The following ESRRG variants were observed in gnomAD, a reference collection of about 807,000 sequenced individuals.
The protein encoded by ESRRG is estrogen-related receptor gamma.
A neutral mutation model predicts 44.0 loss-of-function variants in ESRRG; 13 were observed. The observed-to-expected ratio is 0.30, with a 90% confidence interval of 0.19 to 0.47. ESRRG has a LOEUF of 0.47. Ranked by LOEUF, ESRRG falls within the 20% of genes least tolerant of loss-of-function variation. The pLI is 1.00. For missense variants in ESRRG, 395 were observed against 580.6 expected (o/e 0.68, Z 3.29); for synonymous variants, 215 against 214.6 (o/e 1.00, Z -0.02).
At chr1:216,604,498 A>G (rs1016103514) in intron 3 of ESRRG, among the ~76,000 whole-genome samples, 1 of 152,194 alleles carries the variant, frequency 6.6e-6, no homozygotes, top group African/African-American at 2.4e-5. Context: ...ACAAGGATAC[A>G]ATTCTTTCTC....
At chr1:217,007,834 C>T (rs1319156244) in intron 1 of ESRRG, among the ~76,000 whole-genome samples, 1 of 150,958 alleles carries the variant, frequency 6.6e-6, no homozygotes, top group Non-Finnish European at 1.5e-5. Context: ...CAGTCAAAGG[C>T]AAATAAGGGG....
intron 1 of ESRRG, among the ~76,000 whole-genome samples, chr1:216,959,343 GAA>G (rs35910013): frequency 1.3e-5 from 2 of 151,554 alleles, no homozygotes; most frequent in South Asian, 2.1e-4. Context: ...CTATTTAAAA[GAA>G]AAAAAAACAC....
intron 3 of ESRRG, among the ~76,000 whole-genome samples, chr1:216,572,395 G>T (rs1230671160): frequency 6.6e-6 from 1 of 152,010 alleles, no homozygotes; most frequent in Non-Finnish European, 1.5e-5. Flanking sequence ...TGTGGACAAA[G>T]CCTCTTTATT....
intron 6 of ESRRG, among the ~76,000 whole-genome samples, chr1:216,514,672 C>G (rs1489872982): frequency 6.6e-6 from 1 of 152,050 alleles, no homozygotes; most frequent in Non-Finnish European, 1.5e-5. Flanking sequence ...AGAAATAGCT[C>G]ATTGATAGCA....
intron 2 of ESRRG, among the ~76,000 whole-genome samples, chr1:216,932,039 A>G (rs574878401): frequency 6.6e-6 from 1 of 152,214 alleles, no homozygotes; most frequent in South Asian, 2.1e-4. Flanking sequence ...CGTGGTCTCT[A>G]CTAAAAATAT....
At chr1:216,518,467 CATTAAGG>C (rs1406150668) in intron 6 of ESRRG, among the ~76,000 whole-genome samples, 1 of 152,056 alleles carries the variant, frequency 6.6e-6, no homozygotes, top group Non-Finnish European at 1.5e-5. Context: ...ATCGGCACGT[CATTAAGG>C]AGGGATCTAT....
chr1:216,658,666 CA>C (rs3040932), intron 2 of ESRRG, among the ~76,000 whole-genome samples: 61,689 of 130,146 alleles, frequency 0.47, 13,929 homozygotes, highest in Admixed American at 0.55. Context: ...ACTAAAAATA[CA>C]AAAAAAAAAA....
At chr1:216,670,823 G>T (rs2151392464) in intron 2 of ESRRG, among the ~76,000 whole-genome samples, 1 of 152,198 alleles carries the variant, frequency 6.6e-6, no homozygotes, top group Non-Finnish European at 1.5e-5. Context: ...GAAAGAAAGG[G>T]GATGGGCTGC....
At chr1:216,540,961 G>T (rs1406976154) in intron 5 of ESRRG, among the ~76,000 whole-genome samples, 1 of 152,000 alleles carries the variant, frequency 6.6e-6, no homozygotes, top group African/African-American at 2.4e-5. Context: ...AACCCGGGAA[G>T]ATGACATTTA....
chr1:216,673,242 C>G (rs552595513), intron 2 of ESRRG, among the ~76,000 whole-genome samples: 10 of 152,174 alleles, frequency 6.6e-5, no homozygotes, highest in African/African-American at 2.4e-4. Flanking sequence ...CTATCACTAC[C>G]GTATTTGGCC....
intron 1 of ESRRG, among the ~76,000 whole-genome samples, chr1:216,698,826 G>C (rs975120730): frequency 6.6e-6 from 1 of 152,138 alleles, no homozygotes; most frequent in African/African-American, 2.4e-5. Flanking sequence ...CAAAGCGTCT[G>C]TGCCTCAGGT....
At chr1:216,970,175 A>G (rs2071350429) in intron 1 of ESRRG, among the ~76,000 whole-genome samples, 1 of 152,202 alleles carries the variant, frequency 6.6e-6, no homozygotes, top group Admixed American at 6.5e-5. Context: ...CCATGGAAAC[A>G]TTACTGAAGC....
At chr1:216,754,628 AT>A (rs1319996696) in intron 2 of ESRRG, among the ~76,000 whole-genome samples, 2 of 151,338 alleles carry the variant, frequency 1.3e-5, no homozygotes, top group African/African-American at 2.4e-5. Flanking sequence ...CTATTTATAT[AT>A]TTATTTCAGT....
chr1:217,128,237 G>A (rs533929136), intron 1 of ESRRG, among the ~76,000 whole-genome samples: 13 of 152,246 alleles, frequency 8.5e-5, no homozygotes, highest in South Asian at 2.1e-4. Flanking sequence ...CACTGCATTC[G>A]TTGTTTTCAA....
chr1:216,997,268 C>A (rs1176522305), intron 1 of ESRRG, among the ~76,000 whole-genome samples: 1 of 152,196 alleles, frequency 6.6e-6, no homozygotes, highest in Non-Finnish European at 1.5e-5. Context: ...TAATGAGCCC[C>A]TCTTGATAAC....
At chr1:216,580,154 G>T (rs1245886863) in intron 3 of ESRRG, among the ~76,000 whole-genome samples, 1 of 152,108 alleles carries the variant, frequency 6.6e-6, no homozygotes, top group African/African-American at 2.4e-5. Flanking sequence ...TACACAGTAG[G>T]TACTCAAAAA....
intron 1 of ESRRG, among the ~76,000 whole-genome samples, chr1:216,984,354 C>T (rs1324960573): frequency 6.6e-6 from 1 of 152,122 alleles, no homozygotes; most frequent in Non-Finnish European, 1.5e-5. Context: ...TAGCTTCATG[C>T]AAAATAGCTC....
rs150840432 is a variant in ESRRG at position 216,606,068 on chromosome 1, A to G, written c.590-37970T>C. Among the ~76,000 whole-genome samples the G allele has an allele frequency of 3.2e-4, 48 of 152,360 alleles. 1 individual carries two copies. In the South Asian group the frequency reaches 9.5e-3, roughly 30 times the overall value. On this transcript the variant is annotated intron_variant, in intron 3 of 6. Coordinates refer to ENST00000408911, the MANE Select transcript of ESRRG (RefSeq NM_001438.4). Reference sequence around the variant, plus strand: ...TCACATCACTGGCATAAAGCAAATCAGAGAGCAGTAATAAATGTCAGAGCT... The same window carrying G: ...TCACATCACTGGCATAAAGCAAATCGGAGAGCAGTAATAAATGTCAGAGCT...
At chr1:216,800,584 T>C (rs1469749607) in intron 2 of ESRRG, among the ~76,000 whole-genome samples, 1 of 152,152 alleles carries the variant, frequency 6.6e-6, no homozygotes, top group Non-Finnish European at 1.5e-5. Flanking sequence ...GAAAGAAACA[T>C]CATTTTCTCA....
Sources: allele counts gnomAD v4.1 joint callset (sites outside exome capture counted in the v4.1 genomes callset), GRCh38; gene constraint gnomAD v4.1.1; transcripts MANE v1.5; gene names NCBI Gene and HGNC (gene_info 2026-07-23, HGNC 2026-07-21).